The following NRXN1 variants were observed in gnomAD, a reference collection of about 807,000 sequenced individuals.
NRXN1 encodes neurexin 1.
In NRXN1, 39 loss-of-function variants were observed where a neutral mutation model predicts 150.9. The ratio of observed to expected loss-of-function variants is 0.26; its 90% CI spans 0.20 to 0.34. The LOEUF (loss-of-function observed/expected upper bound fraction) is 0.34, where lower values mean the gene tolerates loss of function less well. Ranked by LOEUF, NRXN1 falls within the 10% of genes least tolerant of loss-of-function variation. NRXN1 has a pLI of 1.00. For missense variants in NRXN1, 1,815 were observed against 1,949.9 expected, an observed-to-expected ratio of 0.93 and a Z score of 1.30; for synonymous variants, 924 against 757.0, an observed-to-expected ratio of 1.22 and a Z score of -3.62.
At chr2:50,260,803 C>T (rs569104011) in intron 17 of NRXN1, among the ~76,000 whole-genome samples, 45 of 151,684 alleles carry the variant, frequency 3.0e-4, no homozygotes, top group African/African-American at 1.0e-3. Flanking sequence ...ATTTGAAGCA[C>T]AGATTTCAGC....
intron 5 of NRXN1, among the ~76,000 whole-genome samples, chr2:50,802,544 A>G (rs1458866786): frequency 6.8e-6 from 1 of 147,988 alleles, no homozygotes; most frequent in African/African-American, 2.5e-5. Flanking sequence ...GAAGGAAGGA[A>G]GGAAGGAAGG....
chr2:50,583,160 C>G (rs1043066907), intron 8 of NRXN1, among the ~76,000 whole-genome samples: 1 of 152,066 alleles, frequency 6.6e-6, no homozygotes, highest in Non-Finnish European at 1.5e-5. Flanking sequence ...AAGCAAGCCT[C>G]CCATTTCAGC....
At chr2:50,258,057 G>T (rs958523194) in intron 17 of NRXN1, among the ~76,000 whole-genome samples, 1 of 151,962 alleles carries the variant, frequency 6.6e-6, no homozygotes, top group African/African-American at 2.4e-5. Context: ...TAATATTTTT[G>T]ATGGTGGAGG....
chr2:50,232,015 T>G (rs1358732764), intron 18 of NRXN1, among the ~76,000 whole-genome samples: 1 of 152,134 alleles, frequency 6.6e-6, no homozygotes, highest in African/African-American at 2.4e-5. Context: ...TTCTTTATCT[T>G]AAAAATCTAT....
intron 17 of NRXN1, chr2:50,464,054 GT>G (rs1422800188): frequency 6.7e-6 from 1 of 149,126 alleles, no homozygotes; most frequent in African/African-American, 2.5e-5. Flanking sequence ...AAAAGCACAT[GT>G]AAGGCTGCTA....
At chr2:50,147,844 A>G (rs1303408803) in intron 18 of NRXN1, among the ~76,000 whole-genome samples, 3 of 151,752 alleles carry the variant, frequency 2.0e-5, no homozygotes, top group African/African-American at 7.2e-5. Context: ...CTTTTAAAGT[A>G]CTGAAAGTTT....
At chr2:50,328,412 C>G (rs575384136) in intron 17 of NRXN1, among the ~76,000 whole-genome samples, 8 of 152,114 alleles carry the variant, frequency 5.3e-5, no homozygotes, top group African/African-American at 1.9e-4. Flanking sequence ...CTCACTCTCC[C>G]TTCTCCAGGC....
chr2:50,386,118 T>C (rs2103744182), intron 17 of NRXN1, among the ~76,000 whole-genome samples: 1 of 152,206 alleles, frequency 6.6e-6, no homozygotes, highest in South Asian at 2.1e-4. Context: ...CATGCTATAG[T>C]ACTTTGATAA....
At chr2:50,619,902 G>A (rs1679690218) in intron 8 of NRXN1, 120 bp downstream of exon 8, 1 of 839,708 alleles carries the variant, frequency 1.2e-6, no homozygotes, top group African/African-American at 1.7e-5. Flanking sequence ...GTAGAATATT[G>A]AATTTAAAGT....
chr2:50,739,950 T>C (rs945221017), intron 5 of NRXN1, among the ~76,000 whole-genome samples: 13 of 152,332 alleles, frequency 8.5e-5, no homozygotes, highest in African/African-American at 2.9e-4. Flanking sequence ...AAAAATCAAC[T>C]GGCAGCATAA....
At chr2:50,022,473 C>A (rs748789937) in intron 21 of NRXN1, among the ~76,000 whole-genome samples, 2 of 152,132 alleles carry the variant, frequency 1.3e-5, no homozygotes, top group African/African-American at 2.4e-5. Flanking sequence ...AATCAAGAAT[C>A]TTTTCTTCCC....
intron 17 of NRXN1, among the ~76,000 whole-genome samples, chr2:50,294,654 T>G (rs2073350766): frequency 6.6e-6 from 1 of 152,170 alleles, no homozygotes; most frequent in African/African-American, 2.4e-5. Context: ...AAAGATTTTC[T>G]GGAGAAGGAA....
At chr2:50,343,207 C>G (rs919418792) in intron 17 of NRXN1, among the ~76,000 whole-genome samples, 1 of 152,124 alleles carries the variant, frequency 6.6e-6, no homozygotes, top group Non-Finnish European at 1.5e-5. Flanking sequence ...TCCTTTATCT[C>G]CTGAAATTAT....
At chr2:49,987,069 A>AT (rs1380829368) in intron 21 of NRXN1, among the ~76,000 whole-genome samples, 28 of 152,148 alleles carry the variant, frequency 1.8e-4, no homozygotes, top group South Asian at 2.1e-4. Flanking sequence ...TATACATTAA[A>AT]TTATTATTAA....
chr2:50,461,773 A>G (rs924645894), intron 17 of NRXN1, among the ~76,000 whole-genome samples: 1 of 152,004 alleles, frequency 6.6e-6, no homozygotes, highest in African/African-American at 2.4e-5. Flanking sequence ...AAGCTCAGAA[A>G]ACAAAGGAAG....
intron 17 of NRXN1, among the ~76,000 whole-genome samples, chr2:50,393,804 G>GA (rs1368212456): frequency 6.6e-6 from 1 of 151,766 alleles, no homozygotes; most frequent in Non-Finnish European, 1.5e-5. Context: ...CAATTCCCAG[G>GA]AAAAAAGAAA....
At chr2:50,718,113 T>C (rs1446235062) in intron 5 of NRXN1, among the ~76,000 whole-genome samples, 4 of 152,208 alleles carry the variant, frequency 2.6e-5, no homozygotes, top group Non-Finnish European at 5.9e-5. Flanking sequence ...TGTTGTTTTC[T>C]TCATCACGCT....
chr2:51,024,666 T>C (rs1207307181), intron 2 of NRXN1, among the ~76,000 whole-genome samples: 1 of 151,970 alleles, frequency 6.6e-6, no homozygotes, highest in African/African-American at 2.4e-5. Flanking sequence ...TGGCTGGAGG[T>C]TGGGGGAGAG....
chr2:50,254,433 T>C (rs2067492067), intron 17 of NRXN1, among the ~76,000 whole-genome samples: 1 of 151,944 alleles, frequency 6.6e-6, no homozygotes, highest in African/African-American at 2.4e-5. Flanking sequence ...GCTTTGATCT[T>C]GGTTATTTCT....
Sources: allele counts gnomAD v4.1 joint callset (sites outside exome capture counted in the v4.1 genomes callset), GRCh38; gene constraint gnomAD v4.1.1; transcripts MANE v1.5; gene names NCBI Gene and HGNC (gene_info 2026-07-23, HGNC 2026-07-21).